DNAH14: variants seen among roughly 807,000 people sequenced by gnomAD.
DNAH14 encodes axonemal beta dynein heavy chain 14.
DNAH14 carries 478 observed loss-of-function variants against 520.9 expected under a neutral mutation model. The ratio of observed to expected loss-of-function variants is 0.92; its 90% confidence interval spans 0.85 to 0.99. The LOEUF (loss-of-function observed/expected upper bound fraction) is 0.99. Ranked by LOEUF, DNAH14 falls within the 50% of genes least tolerant of loss-of-function variation. The pLI is 0.00. For missense variants in DNAH14, 4,831 were observed against 5,234.5 expected, an observed-to-expected ratio of 0.92 and a Z score of 2.38; for synonymous variants, 1,581 against 1,757.2, an observed-to-expected ratio of 0.90 and a Z score of 2.51.
At chr1:225,145,277 A>G in intron 29 of DNAH14, 49 bp from the exon 30 acceptor site, 1 of 1,439,900 alleles carries the variant, frequency 6.9e-7, no homozygotes, top group African/African-American at 1.4e-5. Context: ...TAACATTAGT[A>G]TTTTGTGTCA....
chr1:225,215,455 A>G (rs937939472), intron 41 of DNAH14, among the ~76,000 whole-genome samples: 5 of 152,080 alleles, frequency 3.3e-5, no homozygotes, highest in Non-Finnish European at 7.4e-5. Flanking sequence ...CAATTCCTGG[A>G]TATCTTTGTT....
In DNAH14 at chr1:225,050,219, C is replaced by A. The variant is rs927202924; in HGVS notation, c.1922C>A (p.Thr641Asn). 2.0e-5 allele frequency: 31 copies of A among 1,534,180 alleles called. No homozygotes were observed. Among genetic ancestry groups the A allele is most frequent in the Non-Finnish European group, 2.6e-5 (30 of 1,142,720 alleles). ...TNMEKCITTI[T>N]PLCQDPQLSI... ...AAATTATATATTTTAGCCACAATTA[C>A]TCCTCTTTGCCAAGATCCCCAGCTG... The change falls in exon 16 of 86, where the codon ACT becomes AAT. Residue 641 changes from threonine to asparagine, a missense_variant. Thr to Asn is a moderately conservative substitution (Grantham distance 65). Coordinates refer to ENST00000682510, the MANE Select transcript of DNAH14 (RefSeq NM_001367479.1).
chr1:225,247,041 C>T (rs984911443), intron 43 of DNAH14, among the ~76,000 whole-genome samples: 1 of 152,180 alleles, frequency 6.6e-6, no homozygotes, highest in Admixed American at 6.5e-5. Flanking sequence ...GAATACTATG[C>T]AGCCATAAAA....
intron 27 of DNAH14, among the ~76,000 whole-genome samples, chr1:225,128,647 G>T (rs1324053162): frequency 1.3e-5 from 2 of 151,638 alleles, no homozygotes; most frequent in Admixed American, 1.3e-4. Context: ...CAATAAATTA[G>T]GTATTGATGG....
chr1:225,141,380 C>T (rs1441069048), intron 28 of DNAH14, among the ~76,000 whole-genome samples: 1 of 138,384 alleles, frequency 7.2e-6, no homozygotes, highest in Non-Finnish European at 1.5e-5. Flanking sequence ...ATAAATTAAG[C>T]TTTATTATAG....
At chr1:224,997,173 C>T (rs538470555) in intron 8 of DNAH14, among the ~76,000 whole-genome samples, 1 of 152,174 alleles carries the variant, frequency 6.6e-6, no homozygotes, top group African/African-American at 2.4e-5. Flanking sequence ...TGTCTCCTTG[C>T]TTTATCTCTA....
At position 225,276,997 on chromosome 1, in the gene DNAH14, GGA is replaced by G. The variant is rs1187725076; in HGVS notation, c.8179-412_8179-411del. ...AGGAAGGAAGGAAGGGAGGGAGGAA[GGA>G]AGGGAGGGAGGGAGGGAGGGAGGGA... On this transcript the variant is annotated intron_variant, in intron 53 of 85. Transcript: ENST00000682510. Among the ~76,000 whole-genome samples the G allele has an allele frequency of 7.6e-3, 502 of 66,152 alleles. 17 individuals carry two copies. The highest frequency in any genetic ancestry group is 0.041 in the African/African-American group (426 of 10,332). The allele number at this position is 66,152 out of a possible 152,430, so 43.4% of individuals were successfully genotyped here.
At chr1:225,031,834 C>T (rs1383198046) in intron 11 of DNAH14, among the ~76,000 whole-genome samples, 2 of 152,048 alleles carry the variant, frequency 1.3e-5, no homozygotes, top group East Asian at 3.9e-4. Context: ...TTATGTTTAT[C>T]CATATAATTA....
intron 23 of DNAH14, among the ~76,000 whole-genome samples, chr1:225,108,645 T>C (rs925153975): frequency 6.6e-6 from 1 of 152,218 alleles, no homozygotes; most frequent in African/African-American, 2.4e-5. Flanking sequence ...TTTAAAAGTA[T>C]TTTCTCCCAT....
chr1:225,335,307 A>ATG lies in DNAH14; in HGVS notation c.10080+1801_10080+1802insTG, dbSNP rs1558426391. 1.1e-4 allele frequency among the ~76,000 whole-genome samples: 15 copies of ATG among 136,112 alleles called. 1 individual carries two copies. Among genetic ancestry groups the ATG allele is most frequent in the African/African-American group, 3.7e-4 (13 of 35,212 alleles). The allele number at this position is 136,112 out of a possible 152,430, so 89.3% of individuals were successfully genotyped here. ...TATATGCACATATACACATGTGTAC[A>ATG]CGTGTGTATATGCACATATACACGT... On this transcript the variant is annotated intron_variant, in intron 66 of 85. Transcript: ENST00000682510.
chr1:225,337,996 C>T (rs1574896115), intron 67 of DNAH14, 65 bp from the exon 68 acceptor site: 5 of 1,294,818 alleles, frequency 3.9e-6, no homozygotes. Flanking sequence ...TTTATTGCTG[C>T]TTTTTTTTTT....
rs2095259464 is a variant in DNAH14 at position 225,344,699 on chromosome 1, A to G, written c.10679-1263A>G. On this transcript the variant is annotated intron_variant, in intron 69 of 85. Coordinates refer to ENST00000682510, the MANE Select transcript of DNAH14 (RefSeq NM_001367479.1). Reference sequence around the variant, plus strand: ...GTGAAAACTAGCCATTCTTTTATTTATTTATTTATTTATTTATTTATTTAT... The same window carrying G: ...GTGAAAACTAGCCATTCTTTTATTTGTTTATTTATTTATTTATTTATTTAT... Among the ~76,000 whole-genome samples the G allele has an allele frequency of 5.4e-5, 4 of 74,632 alleles. No individual in the cohort carries two copies. The South Asian group carries it at 2.4e-3, about 44-fold the overall frequency. The allele number at this position is 74,632 out of a possible 152,430, so 49.0% of individuals were successfully genotyped here.
intron 21 of DNAH14, among the ~76,000 whole-genome samples, chr1:225,093,605 T>C (rs935277364): frequency 9.9e-5 from 15 of 152,040 alleles, no homozygotes; most frequent in African/African-American, 3.6e-4. Context: ...TCACTCCTAT[T>C]CAACATAGTG....
intron 73 of DNAH14, chr1:225,357,835 G>A: frequency 1.4e-6 from 1 of 702,062 alleles, no homozygotes; most frequent in South Asian, 1.5e-5. Context: ...ACATGTTCAG[G>A]ACATATTTTA....
In DNAH14 at chr1:225,082,728, C is replaced by T; in HGVS notation, c.3316C>T (p.Leu1106=). The part of the protein sequence containing the change: ...LDKNCKVENL[L]ALKMFQYENE... The stretch of plus-strand genomic sequence containing the variant: ...TAAAAACTGTAAAGTAGAGAATCTT[C>T]TAGCTCTCAAGGTAAATAAAAATGG... The change falls in exon 20 of 86, where the codon CTA becomes TTA. Residue 1106 remains leucine, a synonymous_variant. Coordinates refer to ENST00000682510, the MANE Select transcript of DNAH14 (RefSeq NM_001367479.1). 1 of 1,544,268 alleles carries T rather than the reference C, an allele frequency of 6.5e-7. No homozygotes were observed. Among genetic ancestry groups the T allele is most frequent in the Non-Finnish European group, 8.7e-7 (1 of 1,145,066 alleles).
chr1:225,140,122 T>C (rs569424711), intron 27 of DNAH14, among the ~76,000 whole-genome samples: 1 of 152,212 alleles, frequency 6.6e-6, no homozygotes, highest in African/African-American at 2.4e-5. Flanking sequence ...TCAAATTTAA[T>C]ATATCCCTGA....
intron 58 of DNAH14, among the ~76,000 whole-genome samples, chr1:225,305,503 C>T (rs892428594): frequency 2.0e-5 from 3 of 152,224 alleles, no homozygotes; most frequent in Admixed American, 2.0e-4. Context: ...CCTGAGGAGG[C>T]ACGGGAAGAA....
intron 1 of DNAH14, among the ~76,000 whole-genome samples, chr1:224,945,355 A>C (rs1435160140): frequency 6.6e-6 from 1 of 151,976 alleles, no homozygotes; most frequent in Non-Finnish European, 1.5e-5. Context: ...AGCTCCTTTA[A>C]GGACTTCTCT....
At chr1:224,941,644 C>G (rs1401196882) in intron 1 of DNAH14, among the ~76,000 whole-genome samples, 1 of 152,118 alleles carries the variant, frequency 6.6e-6, no homozygotes, top group African/African-American at 2.4e-5. Context: ...GGTTTTAGGT[C>G]TAACATTTAA....
Sources: allele counts gnomAD v4.1 joint callset (sites outside exome capture counted in the v4.1 genomes callset), GRCh38; gene constraint gnomAD v4.1.1; transcripts MANE v1.5; gene names NCBI Gene and HGNC (gene_info 2026-07-23, HGNC 2026-07-21).